AASDHPPT: variants seen among roughly 807,000 people sequenced by gnomAD.
AASDHPPT encodes the protein L-aminoadipate-semialdehyde dehydrogenase-phosphopantetheinyl transferase.
Under a neutral mutation model 36.4 loss-of-function variants are expected in AASDHPPT, and 23 were observed. That is an observed-to-expected ratio of 0.63 (90% confidence interval 0.45 to 0.89). The LOEUF (loss-of-function observed/expected upper bound fraction) is 0.89, where lower values mean the gene tolerates loss of function less well. Among genes scored for constraint, AASDHPPT ranks in the 40% least tolerant of loss-of-function variants. The pLI, the probability that AASDHPPT is intolerant of heterozygous loss-of-function variation, is 0.00. For synonymous variants in AASDHPPT, 115 were observed against 128.0 expected (o/e 0.90, Z 0.68); for missense variants, 377 against 378.2 (o/e 1.00, Z 0.03).
chr11:106,091,248 G>T, intron 3 of AASDHPPT, 68 bp from the exon 4 acceptor site: 1 of 1,388,290 alleles, frequency 7.2e-7, no homozygotes, highest in South Asian at 1.4e-5. Context: ...CTATCTTTTG[G>T]ACCTGTAGAT....
chr11:106,085,706 C>T (rs1861190831), intron 2 of AASDHPPT, among the ~76,000 whole-genome samples: 1 of 152,196 alleles, frequency 6.6e-6, no homozygotes, highest in African/African-American at 2.4e-5. Flanking sequence ...ATGACTTTGA[C>T]AACAACCTCA....
At position 106,096,821 on chromosome 11, in the gene AASDHPPT, G is replaced by A. The variant is rs769999593; in HGVS notation, c.844G>A (p.Val282Ile). Residue 282 changes from valine (V) to isoleucine (I), a missense_variant, in exon 6 of 6, where the codon GTT becomes ATT. By Grantham distance (29) the Val-to-Ile change is conservative. Coordinates refer to ENST00000278618, the MANE Select transcript of AASDHPPT (RefSeq NM_015423.3). Reference protein sequence around the residue: ...LNFNDLMSSAVPMTPEDPSFW... With the variant: ...LNFNDLMSSAIPMTPEDPSFW... ...CTTTAATGATTTAATGTCATCTGCCGTTCCCATGACACCTGAAGATCCTTC... is the reference window on the plus strand; with the variant it reads ...CTTTAATGATTTAATGTCATCTGCCATTCCCATGACACCTGAAGATCCTTC... The A allele has an allele frequency of 6.8e-5, 110 of 1,610,438 alleles. No individual in the cohort carries two copies. Among genetic ancestry groups the A allele is most frequent in the Non-Finnish European group, 8.9e-5 (105 of 1,178,216 alleles).
intron 2 of AASDHPPT, among the ~76,000 whole-genome samples, chr11:106,088,463 A>G (rs141704748): frequency 6.6e-6 from 1 of 152,244 alleles, no homozygotes; most frequent in African/African-American, 2.4e-5. Flanking sequence ...CAAACCAAAA[A>G]TAGTTTATTC....
At chr11:106,096,620 A>G (rs1188723901) in intron 5 of AASDHPPT, 123 bp from the exon 6 acceptor site, 5 of 663,214 alleles carry the variant, frequency 7.5e-6, no homozygotes, top group African/African-American at 3.8e-5. Flanking sequence ...TGTTCTAGGA[A>G]TCCTATGTTG....
rs143691437 is a variant in AASDHPPT, at chr11:106,086,633, T to G, written c.410-3924T>G. On this transcript the variant is annotated intron_variant, in intron 2 of 5. Coordinates refer to ENST00000278618, the MANE Select transcript of AASDHPPT (RefSeq NM_015423.3). ...ATTCTCAGCCCATTCCAGCATTAACTCTAAATCTCATGTAAGTGTTAATAT... is the reference window on the plus strand; with the variant it reads ...ATTCTCAGCCCATTCCAGCATTAACGCTAAATCTCATGTAAGTGTTAATAT... 2.9e-3 allele frequency among the ~76,000 whole-genome samples: 436 copies of G among 152,248 alleles called. 5 individuals are homozygous for G. Among genetic ancestry groups the G allele is most frequent in the African/African-American group, 9.8e-3 (407 of 41,540 alleles).
At chr11:106,083,178 C>T (rs530213462) in intron 2 of AASDHPPT, among the ~76,000 whole-genome samples, 1 of 152,208 alleles carries the variant, frequency 6.6e-6, no homozygotes, top group South Asian at 2.1e-4. Context: ...AGTTACAGGT[C>T]GGTCTTTTTC....
At position 106,091,346 on chromosome 11, in the gene AASDHPPT, G is replaced by A; in HGVS notation, c.562G>A (p.Gly188Ser). The A allele has an allele frequency of 1.2e-6, 2 of 1,605,266 alleles. No homozygotes were observed. The highest frequency in any genetic ancestry group is 2.2e-5 in the South Asian group (2 of 88,894). ...ALKESFIKAI[G>S]VGLGFELQRL... is the part of the protein sequence containing the mutation. ...TAAGGAAAGCTTCATAAAAGCCATTGGTGTTGGACTAGGATTTGAATTGCA... is the reference window on the plus strand; with the variant it reads ...TAAGGAAAGCTTCATAAAAGCCATTAGTGTTGGACTAGGATTTGAATTGCA... The change falls in exon 4 of 6, where the codon GGT (glycine) becomes AGT (serine). Residue 188 changes from glycine to serine, a missense_variant. By Grantham distance (56) the Gly-to-Ser change is moderately conservative. Coordinates refer to ENST00000278618, the MANE Select transcript of AASDHPPT (RefSeq NM_015423.3).
intron 2 of AASDHPPT, among the ~76,000 whole-genome samples, chr11:106,084,161 A>G (rs976523515): frequency 6.6e-6 from 1 of 151,890 alleles, no homozygotes; most frequent in Admixed American, 6.6e-5. Context: ...AGAAAATTGG[A>G]AAAAAAACAC....
chr11:106,092,799 G>C (rs918181960), intron 4 of AASDHPPT: 18 of 152,014 alleles, frequency 1.2e-4, no homozygotes, highest in Non-Finnish European at 2.4e-4. Context: ...AATTACATGA[G>C]CTATTCAGCA....
intron 2 of AASDHPPT, among the ~76,000 whole-genome samples, chr11:106,087,690 G>C (rs1411272343): frequency 6.6e-6 from 1 of 152,122 alleles, no homozygotes; most frequent in Non-Finnish European, 1.5e-5. Context: ...AAATGATTTT[G>C]TTGTATGTTA....
rs1861108991 is a variant in AASDHPPT, at chr11:106,079,483, T to C, written c.200T>C (p.Ile67Thr). The C allele has an allele frequency of 1.2e-6, 2 of 1,610,260 alleles. No homozygotes were observed. The highest frequency in any genetic ancestry group is 4.5e-5 in the East Asian group (2 of 44,776). ...ACTTAACAGGCTGGTCGTCTGATGA[T>C]AAGGAAATTAGTTGCAGAGAAATTG... The part of the protein sequence containing the change: ...AKAAMAGRLM[I>T]RKLVAEKLNI... Residue 67 changes from isoleucine to threonine, a missense_variant, in exon 2 of 6, where the codon ATA (isoleucine) becomes ACA (threonine). Ile to Thr is a moderately conservative substitution (Grantham distance 89). Coordinates refer to ENST00000278618, the MANE Select transcript of AASDHPPT (RefSeq NM_015423.3).
chr11:106,085,978 A>T (rs1310953214), intron 2 of AASDHPPT: 1 of 152,210 alleles, frequency 6.6e-6, no homozygotes, highest in Non-Finnish European at 1.5e-5. Flanking sequence ...CAGATTAGGG[A>T]TCCTCAATCT....
chr11:106,079,047 T>G (rs1292175524), intron 1 of AASDHPPT, among the ~76,000 whole-genome samples: 1 of 152,236 alleles, frequency 6.6e-6, no homozygotes, highest in Non-Finnish European at 1.5e-5. Context: ...TGAAATATGC[T>G]ACAGTTAAAA....
intron 2 of AASDHPPT, among the ~76,000 whole-genome samples, chr11:106,087,933 C>G (rs1361467348): frequency 6.6e-6 from 1 of 152,150 alleles, no homozygotes; most frequent in Non-Finnish European, 1.5e-5. Context: ...ATTCACTGTT[C>G]TTCCTACCGA....
intron 2 of AASDHPPT, chr11:106,086,165 G>C (rs1052596020): frequency 1.3e-5 from 2 of 152,220 alleles, no homozygotes; most frequent in African/African-American, 4.8e-5. Flanking sequence ...TAAAGTGACC[G>C]AAAGCTCTTC....
At chr11:106,080,635 A>T (rs1228405296) in intron 2 of AASDHPPT, among the ~76,000 whole-genome samples, 1 of 152,200 alleles carries the variant, frequency 6.6e-6, no homozygotes, top group Non-Finnish European at 1.5e-5. Flanking sequence ...CTGTGATTTA[A>T]TTCTCTCAAC....
chr11:106,089,604 T>C (rs1861233751), intron 2 of AASDHPPT: 1 of 152,040 alleles, frequency 6.6e-6, no homozygotes, highest in Non-Finnish European at 1.5e-5. Context: ...CTTTTAATAT[T>C]AGTTGAATAT....
At chr11:106,083,822 A>G (rs569314703) in intron 2 of AASDHPPT, among the ~76,000 whole-genome samples, 2 of 152,298 alleles carry the variant, frequency 1.3e-5, no homozygotes, top group Middle Eastern at 3.4e-3. Flanking sequence ...ATAGTTGACT[A>G]TGATGTCGAG....
chr11:106,094,543 A>G (rs377756672), intron 4 of AASDHPPT, 40 bp from the exon 5 acceptor site: 4 of 1,431,040 alleles, frequency 2.8e-6, no homozygotes, highest in South Asian at 1.3e-5. Flanking sequence ...CTAGGTTTAC[A>G]TATTTTATAA....
Sources: gnomAD v4.1 joint callset for allele counts (sites outside exome capture counted in the v4.1 genomes callset) on GRCh38, gnomAD v4.1.1 for gene constraint, MANE v1.5 for transcripts, NCBI Gene and HGNC (gene_info 2026-07-23, HGNC 2026-07-21) for gene names.